The following NAALADL2 variants were observed in gnomAD, a reference collection of about 807,000 sequenced individuals.
NAALADL2 encodes inactive N-acetylated-alpha-linked acidic dipeptidase-like protein 2.
NAALADL2 carries 76 observed loss-of-function variants against 87.2 expected under a neutral mutation model. The ratio of observed to expected loss-of-function variants is 0.87; its 90% CI spans 0.72 to 1.05. The LOEUF (loss-of-function observed/expected upper bound fraction) is 1.05. NAALADL2 is among the 50% of genes least tolerant of loss of function. The probability of loss-of-function intolerance (pLI) is 0.00; values close to 1 mark genes in which losing one functional copy is unlikely to be tolerated. For synonymous variants in NAALADL2, 354 were observed against 331.0 expected (o/e 1.07, Z -0.75); for missense variants, 1,089 against 945.8 (o/e 1.15, Z -1.99).
chr3:175,391,805 A>G (rs1251582163), intron 5 of NAALADL2, among the ~76,000 whole-genome samples: 2 of 152,122 alleles, frequency 1.3e-5, no homozygotes, highest in Admixed American at 1.3e-4. Context: ...TTATTCCCCA[A>G]ATAACTGCAT....
At chr3:174,751,950 A>T (rs1734868558) in intron 3 of NAALADL2, among the ~76,000 whole-genome samples, 1 of 151,864 alleles carries the variant, frequency 6.6e-6, no homozygotes, top group Non-Finnish European at 1.5e-5. Context: ...AAGCATTGGA[A>T]TTGCCAGATT....
At chr3:174,547,217 AG>A (rs1189936072) in intron 1 of NAALADL2, among the ~76,000 whole-genome samples, 3 of 152,192 alleles carry the variant, frequency 2.0e-5, no homozygotes, top group Non-Finnish European at 4.4e-5. Flanking sequence ...AGCATAAATG[AG>A]TACCAACTAT....
intron 5 of NAALADL2, among the ~76,000 whole-genome samples, chr3:175,361,139 G>A (rs1764961519): frequency 6.6e-6 from 1 of 151,688 alleles, no homozygotes; most frequent in Non-Finnish European, 1.5e-5. Context: ...TGTCCTTCTG[G>A]TAGTTTGCTC....
At chr3:174,741,156 A>G (rs1041608652) in intron 3 of NAALADL2, among the ~76,000 whole-genome samples, 2 of 151,734 alleles carry the variant, frequency 1.3e-5, no homozygotes, top group African/African-American at 4.8e-5. Context: ...TGATATTCTA[A>G]GTCTTATCCA....
chr3:174,589,380 T>C (rs1717108911), intron 2 of NAALADL2, among the ~76,000 whole-genome samples: 1 of 152,180 alleles, frequency 6.6e-6, no homozygotes, highest in Non-Finnish European at 1.5e-5. Flanking sequence ...CTGCACCCAC[T>C]GTCTGACAAG....
chr3:174,957,495 G>A (rs1203577947), intron 1 of NAALADL2, among the ~76,000 whole-genome samples: 1 of 151,992 alleles, frequency 6.6e-6, no homozygotes, highest in Non-Finnish European at 1.5e-5. Flanking sequence ...AAAAGAGCTG[G>A]TTATACAATT....
intron 2 of NAALADL2, among the ~76,000 whole-genome samples, chr3:175,224,042 A>G (rs1003668927): frequency 6.6e-6 from 1 of 152,178 alleles, no homozygotes; most frequent in African/African-American, 2.4e-5. Flanking sequence ...AGAGAAGGTG[A>G]AGGTTAAAGA....
chr3:174,935,429 A>C lies in NAALADL2; in HGVS notation c.43+75979A>C, dbSNP rs190642175. On this transcript the variant is annotated intron_variant, in intron 1 of 13. Transcript: ENST00000454872. ...AAAAGAAAAAAACAAAACAGACCTT[A>C]GAGATATACTGGTTATTTACATTAC... Among the ~76,000 whole-genome samples the C allele has an allele frequency of 3.3e-5, 5 of 152,318 alleles. No individual in the cohort carries two copies. The East Asian group carries it at 9.7e-4, about 29-fold the overall frequency.
At chr3:175,784,233 G>A (rs1184618947) in intron 13 of NAALADL2, among the ~76,000 whole-genome samples, 2 of 149,852 alleles carry the variant, frequency 1.3e-5, no homozygotes, top group Non-Finnish European at 1.5e-5. Context: ...GAGTTAGGGA[G>A]GATTCCCTCT....
chr3:174,793,137 G>T (rs1230020990), intron 3 of NAALADL2, among the ~76,000 whole-genome samples: 2 of 152,026 alleles, frequency 1.3e-5, no homozygotes, highest in Non-Finnish European at 2.9e-5. Flanking sequence ...AAGATTTAAA[G>T]AAACAATATT....
chr3:175,395,385 G>C (rs1769646544), intron 5 of NAALADL2, among the ~76,000 whole-genome samples: 1 of 152,174 alleles, frequency 6.6e-6, no homozygotes, highest in South Asian at 2.1e-4. Context: ...GGAGCCCACT[G>C]TTATTCATCT....
intron 2 of NAALADL2, among the ~76,000 whole-genome samples, chr3:175,204,616 A>T (rs549387236): frequency 1.3e-5 from 2 of 152,228 alleles, no homozygotes; most frequent in African/African-American, 4.8e-5. Context: ...GACAAGAGAA[A>T]AAAAGAGCCT....
intron 5 of NAALADL2, among the ~76,000 whole-genome samples, chr3:175,440,931 T>C (rs990641384): frequency 6.6e-6 from 1 of 152,126 alleles, no homozygotes; most frequent in African/African-American, 2.4e-5. Flanking sequence ...CATTTCAAAT[T>C]TGTTATTTAG....
intron 10 of NAALADL2, among the ~76,000 whole-genome samples, chr3:175,623,509 T>C (rs1452598964): frequency 6.6e-6 from 1 of 152,048 alleles, no homozygotes; most frequent in Non-Finnish European, 1.5e-5. Context: ...CCTGTTAATG[T>C]GAACTTATAT....
Position 175,732,178 on chromosome 3 carries a change from C to A in NAALADL2, c.1897-5128C>A, listed in dbSNP as rs146728616. Among the ~76,000 whole-genome samples the A allele has an allele frequency of 2.4e-3, 358 of 152,172 alleles. 2 individuals are homozygous for A. Among genetic ancestry groups the A allele is most frequent in the African/African-American group, 8.4e-3 (348 of 41,508 alleles). ...TAGGGGCAAAGGGAAAGCTTCCCCTCCACTCTCTGAAGGTTTGCTGAAAAT... is the reference window on the plus strand; with the variant it reads ...TAGGGGCAAAGGGAAAGCTTCCCCTACACTCTCTGAAGGTTTGCTGAAAAT... On this transcript the variant is annotated intron_variant, in intron 11 of 13. Transcript: ENST00000454872.
At chr3:174,791,910 G>A (rs1717501336) in intron 3 of NAALADL2, among the ~76,000 whole-genome samples, 3 of 152,042 alleles carry the variant, frequency 2.0e-5, no homozygotes, top group Admixed American at 1.3e-4. Context: ...TATTTGTTGA[G>A]TGAAATATAT....
intron 2 of NAALADL2, among the ~76,000 whole-genome samples, chr3:175,125,659 A>C (rs564996834): frequency 7.2e-5 from 11 of 152,172 alleles, no homozygotes; most frequent in African/African-American, 2.6e-4. Flanking sequence ...GATGACAAAG[A>C]TTTAAGGAGG....
In NAALADL2 at chr3:175,363,013, T is replaced by C. The variant is rs550505077; in HGVS notation, c.1090+38688T>C. 5.4e-5 allele frequency among the ~76,000 whole-genome samples: 8 copies of C among 147,858 alleles called. No homozygotes were observed. The South Asian group carries it at 1.8e-3, about 33-fold the overall frequency. On this transcript the variant is annotated intron_variant, in intron 5 of 13. Transcript: ENST00000454872. The stretch of plus-strand genomic sequence containing the variant: ...ATTGACATCTCAGTTTCTTTACTTT[T>C]CTCTTCTGTTATCTTTTCTGTGTAT...
chr3:175,663,501 A>G (rs1197568765), intron 11 of NAALADL2, among the ~76,000 whole-genome samples: 1 of 147,758 alleles, frequency 6.8e-6, no homozygotes, highest in Non-Finnish European at 1.5e-5. Context: ...TCAATAAAAC[A>G]ACCTTATGTT....
Sources: gnomAD v4.1 joint callset for allele counts (sites outside exome capture counted in the v4.1 genomes callset) on GRCh38, gnomAD v4.1.1 for gene constraint, MANE v1.5 for transcripts, NCBI Gene and HGNC (gene_info 2026-07-23, HGNC 2026-07-21) for gene names.